The following OLA1 variants were observed in gnomAD, a reference collection of about 807,000 sequenced individuals.
OLA1 encodes the protein Obg like ATPase 1.
OLA1 carries 14 observed loss-of-function variants against 48.4 expected under a neutral mutation model. That is an observed-to-expected ratio of 0.29 (90% CI 0.19 to 0.45). The LOEUF is 0.45. Among genes scored for constraint, OLA1 ranks in the 20% least tolerant of loss-of-function variants. The pLI is 1.00. For missense variants in OLA1, 325 were observed against 467.1 expected (o/e 0.70, Z 2.80); for synonymous variants, 127 against 150.4 (o/e 0.84, Z 1.14).
At chr2:174,092,160 A>AAAAGG (rs1198041156) in intron 7 of OLA1, among the ~76,000 whole-genome samples, 1 of 151,506 alleles carries the variant, frequency 6.6e-6, no homozygotes, top group Non-Finnish European at 1.5e-5. Context: ...AAGAAAAGAA[A>AAAAGG]AAAGGAAAGG....
rs533877169 is a variant in OLA1 at position 174,204,640 on chromosome 2, C to A, written c.373+18393G>T. ...GTCTAAAAATTAGAGAATGATAAAT[C>A]GTACACCATTGAGACAATGAAATAT... On this transcript the variant is annotated intron_variant, in intron 4 of 10. Coordinates refer to ENST00000284719, the MANE Select transcript of OLA1 (RefSeq NM_013341.5). Among the ~76,000 whole-genome samples, 13 of 152,066 alleles carry A rather than the reference C, an allele frequency of 8.5e-5. No homozygotes were observed. In the South Asian group the frequency reaches 2.7e-3, roughly 32 times the overall value.
rs1249991143 is a variant in OLA1, at chr2:174,081,226, C to T, written c.892G>A (p.Ala298Thr). ...TCTAGTTGGAGTGCTGCAAACCCAG[C>T]CTTAATGATCTTTGGCAAAGCACTG... ...TQSALPKIIK[A>T]GFAALQLEYF... is the part of the protein sequence containing the mutation. Residue 298 changes from alanine (A) to threonine (T), a missense_variant, in exon 9 of 11, where the codon GCT becomes ACT. By Grantham distance (58) the Ala-to-Thr change is moderately conservative (BLOSUM62 0). Coordinates refer to ENST00000284719, the MANE Select transcript of OLA1 (RefSeq NM_013341.5). 1.2e-6 allele frequency: 2 copies of T among 1,610,938 alleles called. No individual in the cohort carries two copies. Among genetic ancestry groups the T allele is most frequent in the South Asian group, 2.2e-5 (2 of 90,966 alleles).
intron 4 of OLA1, among the ~76,000 whole-genome samples, chr2:174,164,386 T>TGCAGAATGGATACCA (rs1401788981): frequency 4.9e-5 from 2 of 41,140 alleles, no homozygotes; most frequent in Non-Finnish European, 9.3e-5. Flanking sequence ...TACCATTCTG[T>TGCAGAATGGATACCA]TTTATGTTTG....
At chr2:174,223,207 A>G in intron 3 of OLA1, 47 bp from the exon 4 acceptor site, 1 of 1,541,016 alleles carries the variant, frequency 6.5e-7, no homozygotes, top group Non-Finnish European at 8.9e-7. Context: ...CTAAAAACTT[A>G]TCTATCAACC....
At chr2:174,110,499 C>G (rs933174933) in intron 7 of OLA1, among the ~76,000 whole-genome samples, 1 of 151,698 alleles carries the variant, frequency 6.6e-6, no homozygotes, top group African/African-American at 2.4e-5. Flanking sequence ...GGCTGGAGTA[C>G]ACTGGCACAA....
intron 4 of OLA1, among the ~76,000 whole-genome samples, chr2:174,193,060 G>A (rs1687807834): frequency 6.7e-6 from 1 of 150,196 alleles, no homozygotes; most frequent in Middle Eastern, 3.4e-3. Flanking sequence ...GAAAATTCTT[G>A]GTCATTATTT....
chr2:174,243,715 AAG>A, intron 2 of OLA1, among the ~76,000 whole-genome samples: 1 of 152,318 alleles, frequency 6.6e-6, no homozygotes, highest in East Asian at 1.9e-4. Context: ...AATATATATA[AAG>A]TACTCAAAAT....
intron 5 of OLA1, chr2:174,124,435 A>G (rs987191215): frequency 6.6e-6 from 1 of 152,216 alleles, no homozygotes; most frequent in African/African-American, 2.4e-5. Context: ...TTCTTCACAG[A>G]AAGATTAATC....
At chr2:174,158,393 C>G (rs943947246) in intron 4 of OLA1, among the ~76,000 whole-genome samples, 1 of 151,988 alleles carries the variant, frequency 6.6e-6, no homozygotes, top group Non-Finnish European at 1.5e-5. Context: ...GTATTATATT[C>G]TTGGTGGGCG....
chr2:174,146,860 T>C (rs567526923), intron 4 of OLA1, among the ~76,000 whole-genome samples: 3 of 152,302 alleles, frequency 2.0e-5, no homozygotes, highest in Non-Finnish European at 2.9e-5. Flanking sequence ...GCACTAATTA[T>C]ATAAAGTAAG....
chr2:174,124,655 G>C (rs1306508125), intron 5 of OLA1, among the ~76,000 whole-genome samples: 1 of 152,104 alleles, frequency 6.6e-6, no homozygotes, highest in Non-Finnish European at 1.5e-5. Flanking sequence ...GTCTGTTGTT[G>C]TTGTTACTAA....
intron 4 of OLA1, among the ~76,000 whole-genome samples, chr2:174,167,212 T>C (rs1394362425): frequency 6.6e-6 from 1 of 152,196 alleles, no homozygotes; most frequent in East Asian, 1.9e-4. Context: ...TTTTACATCT[T>C]CTTCAATTCA....
intron 4 of OLA1, among the ~76,000 whole-genome samples, chr2:174,144,949 A>ATATATATATATAT (rs1328085797): frequency 8.9e-4 from 51 of 57,052 alleles, no homozygotes; most frequent in East Asian, 3.2e-3. Context: ...AAAAAAAAAA[A>ATATATATATATAT]AAATATATAT....
chr2:174,174,259 T>G (rs1180613572), intron 4 of OLA1, among the ~76,000 whole-genome samples: 1 of 148,624 alleles, frequency 6.7e-6, no homozygotes, highest in East Asian at 2.1e-4. Flanking sequence ...AATCCCTCAT[T>G]AATACAGATG....
At chr2:174,088,868 C>T (rs1466991480) in intron 7 of OLA1, among the ~76,000 whole-genome samples, 1 of 141,416 alleles carries the variant, frequency 7.1e-6, no homozygotes, top group African/African-American at 2.8e-5. Flanking sequence ...AGAGTGAAAT[C>T]CTGTCTCAAA....
chr2:174,148,528 C>A (rs930921148), intron 4 of OLA1, among the ~76,000 whole-genome samples: 58 of 152,202 alleles, frequency 3.8e-4, no homozygotes, highest in African/African-American at 1.3e-3. Flanking sequence ...AAAAAATTAA[C>A]CATAATAGGC....
At chr2:174,154,458 C>T (rs1382512779) in intron 4 of OLA1, among the ~76,000 whole-genome samples, 1 of 152,046 alleles carries the variant, frequency 6.6e-6, no homozygotes, top group African/African-American at 2.4e-5. Flanking sequence ...GTATTTTTTT[C>T]CCACTGACTT....
intron 7 of OLA1, among the ~76,000 whole-genome samples, chr2:174,115,791 C>A (rs1290609449): frequency 6.6e-6 from 1 of 152,144 alleles, no homozygotes; most frequent in East Asian, 1.9e-4. Flanking sequence ...AAGGTCTTCC[C>A]CAGCCGCCCT....
chr2:174,088,474 A>C (rs1685032236), intron 7 of OLA1, among the ~76,000 whole-genome samples: 3 of 152,178 alleles, frequency 2.0e-5, no homozygotes. Flanking sequence ...CAATATACAA[A>C]CTAAAATATG....
Sources: allele counts gnomAD v4.1 joint callset (sites outside exome capture counted in the v4.1 genomes callset), GRCh38; gene constraint gnomAD v4.1.1; transcripts MANE v1.5; gene names NCBI Gene and HGNC (gene_info 2026-07-23, HGNC 2026-07-21).